The following VPS50 variants were observed in gnomAD, a reference collection of about 807,000 sequenced individuals.
The protein encoded by VPS50 is syndetin.
Under a neutral mutation model 139.7 loss-of-function variants are expected in VPS50, and 70 were observed. The observed-to-expected ratio is 0.50, with a 90% CI of 0.41 to 0.61. VPS50 has a LOEUF of 0.61. Ranked by LOEUF, VPS50 falls within the 20% of genes least tolerant of loss-of-function variation. The pLI, the probability that VPS50 is intolerant of heterozygous loss-of-function variation, is 0.00. For missense variants in VPS50, 921 were observed against 1,133.7 expected, an observed-to-expected ratio of 0.81 and a Z score of 2.69; for synonymous variants, 365 against 376.7, an observed-to-expected ratio of 0.97 and a Z score of 0.36.
chr7:93,233,884 G>A (rs1373158124), intron 1 of VPS50, among the ~76,000 whole-genome samples: 1 of 152,200 alleles, frequency 6.6e-6, no homozygotes, highest in Non-Finnish European at 1.5e-5. Context: ...AAGTTAAAGA[G>A]TTTAAGGCGT....
intron 20 of VPS50, chr7:93,320,789 TAC>T (rs1309617393): frequency 1.3e-5 from 2 of 152,524 alleles, no homozygotes; most frequent in Non-Finnish European, 2.9e-5. Context: ...TGCAGACTGT[TAC>T]AGTTTGTCCC....
At chr7:93,319,343 C>G (rs1007449067) in intron 20 of VPS50, among the ~76,000 whole-genome samples, 1 of 152,186 alleles carries the variant, frequency 6.6e-6, no homozygotes, top group Non-Finnish European at 1.5e-5. Flanking sequence ...GTTTCTAGTT[C>G]TTGTCCATGC....
At position 93,310,466 on chromosome 7, in the gene VPS50, G is replaced by GT. The variant is rs138520142; in HGVS notation, c.1749-690dup. Among the ~76,000 whole-genome samples the GT allele has an allele frequency of 5.6e-4, 83 of 148,040 alleles. 1 individual carries two copies. Among genetic ancestry groups the GT allele is most frequent in the South Asian group, 2.1e-3 (10 of 4,660 alleles). Reference sequence around the variant, plus strand: ...ACAACTCTTAGATCTAAATTTAGGGGTTTTTTTTTTCATAGTTACAAATTT... The same window carrying GT: ...ACAACTCTTAGATCTAAATTTAGGGGTTTTTTTTTTTCATAGTTACAAATTT... On this transcript the variant is annotated intron_variant, in intron 19 of 27. Transcript: ENST00000305866.
chr7:93,299,002 GA>G (rs1796895224), intron 16 of VPS50, among the ~76,000 whole-genome samples: 1 of 152,110 alleles, frequency 6.6e-6, no homozygotes, highest in African/African-American at 2.4e-5. Flanking sequence ...GTGTTGCCTA[GA>G]CATCTTGACC....
intron 20 of VPS50, among the ~76,000 whole-genome samples, chr7:93,318,701 A>G (rs1797504227): frequency 1.3e-5 from 2 of 152,044 alleles, no homozygotes; most frequent in African/African-American, 4.8e-5. Flanking sequence ...ACAAACCTTA[A>G]TTTTTAAAAA....
chr7:93,309,181 T>C (rs1337310897), intron 19 of VPS50, among the ~76,000 whole-genome samples: 1 of 152,012 alleles, frequency 6.6e-6, no homozygotes, highest in African/African-American at 2.4e-5. Flanking sequence ...AGTTCTGCCT[T>C]GCAAAACCTT....
At chr7:93,357,384 C>G (rs1008750993) in intron 27 of VPS50, among the ~76,000 whole-genome samples, 54 of 152,142 alleles carry the variant, frequency 3.5e-4, no homozygotes, top group African/African-American at 1.2e-3. Context: ...GCAGCAGGGA[C>G]TCTTTTCTGT....
chr7:93,341,735 A>AT (rs1000813813), intron 23 of VPS50, among the ~76,000 whole-genome samples, 160 bp downstream of exon 23: 1 of 152,236 alleles, frequency 6.6e-6, no homozygotes, highest in Non-Finnish European at 1.5e-5. Flanking sequence ...TTACCAATTG[A>AT]TTTTTTAAAC....
chr7:93,347,684 G>A (rs941194449), intron 23 of VPS50, among the ~76,000 whole-genome samples: 3 of 148,726 alleles, frequency 2.0e-5, no homozygotes, highest in African/African-American at 7.6e-5. Flanking sequence ...TAGGGACATG[G>A]ATGAAATTGG....
Position 93,306,001 on chromosome 7 carries a change from TG to T in VPS50, c.1629+1del, listed in dbSNP as rs1562878375. On this transcript the variant is annotated frameshift_variant and splice_region_variant, in exon 18 of 28. Coordinates refer to ENST00000305866, the MANE Select transcript of VPS50 (RefSeq NM_017667.4). LOFTEE classifies it high-confidence loss of function. Reference protein sequence around the residue: ...EETEDVLASNGYESDEQEKSA... With the variant: ...EETEDVLASNXYESDEQEKSA... ...AAACAGAAGATGTCTTAGCTTCTAA[TG>T]GGGTATGTGGTGTATGTGAAACATA... is the stretch of plus-strand genomic sequence containing the variant. 1 of 1,608,902 alleles carries T rather than the reference TG, an allele frequency of 6.2e-7. No individual in the cohort carries two copies. The highest frequency in any genetic ancestry group is 1.1e-5 in the South Asian group (1 of 90,800).
At chr7:93,341,906 T>C (rs889916030) in intron 23 of VPS50, among the ~76,000 whole-genome samples, 3 of 152,228 alleles carry the variant, frequency 2.0e-5, no homozygotes, top group Admixed American at 1.3e-4. Context: ...AAGCTGTAGT[T>C]GCATTGTCAA....
chr7:93,247,883 C>T (rs1247120279), intron 2 of VPS50, among the ~76,000 whole-genome samples: 2 of 151,860 alleles, frequency 1.3e-5, no homozygotes, highest in Non-Finnish European at 2.9e-5. Context: ...CTTTTGTTTT[C>T]TCCTCTTTGT....
At chr7:93,259,309 T>G in intron 8 of VPS50, 2 of 329,372 alleles carry the variant, frequency 6.1e-6, no homozygotes, top group Non-Finnish European at 1.1e-5. Flanking sequence ...GGAAATGGTC[T>G]CAGGGGGCTG....
At chr7:93,334,281 T>C in intron 22 of VPS50, 84 bp downstream of exon 22, 1 of 787,806 alleles carries the variant, frequency 1.3e-6, no homozygotes, top group Non-Finnish European at 2.1e-6. Context: ...AATGTGTGTC[T>C]ATATGTATTG....
chr7:93,286,993 GTTTTTTT>G (rs78030975), intron 12 of VPS50, among the ~76,000 whole-genome samples: 1 of 123,774 alleles, frequency 8.1e-6, no homozygotes, highest in African/African-American at 2.8e-5. Flanking sequence ...TGAAAACGTT[GTTTTTTT>G]TTTTTTTTTA....
intron 11 of VPS50, among the ~76,000 whole-genome samples, chr7:93,275,110 G>A (rs181979039): frequency 1.3e-5 from 2 of 152,236 alleles, no homozygotes; most frequent in East Asian, 3.9e-4. Context: ...AAACTTGAAT[G>A]GATGTAAGAA....
chr7:93,308,307 G>T (rs1358178865), intron 18 of VPS50, among the ~76,000 whole-genome samples: 1 of 151,790 alleles, frequency 6.6e-6, no homozygotes, highest in Non-Finnish European at 1.5e-5. Flanking sequence ...CTCATTCTCA[G>T]CAGGTCCCTG....
At chr7:93,275,993 T>A (rs1262782834) in intron 11 of VPS50, 172 bp from the exon 12 acceptor site, 5 of 582,168 alleles carry the variant, frequency 8.6e-6, no homozygotes, top group Admixed American at 6.1e-5. Flanking sequence ...TGTGAAGGAT[T>A]ATTTGCAAAT....
intron 2 of VPS50, among the ~76,000 whole-genome samples, chr7:93,250,993 C>G (rs1795308463): frequency 6.6e-6 from 1 of 152,204 alleles, no homozygotes; most frequent in South Asian, 2.1e-4. Flanking sequence ...CATTTCACGC[C>G]AGTTAGAATG....
Sources: allele counts gnomAD v4.1 joint callset (sites outside exome capture counted in the v4.1 genomes callset), GRCh38; gene constraint gnomAD v4.1.1; transcripts MANE v1.5; gene names NCBI Gene and HGNC (gene_info 2026-07-23, HGNC 2026-07-21).